Variants in ARHGEF10 observed in about 807,000 individuals in gnomAD.
ARHGEF10 encodes Rho guanine nucleotide exchange factor (GEF) 10.
A neutral mutation model predicts 147.4 loss-of-function variants in ARHGEF10; 140 were observed. The ratio of observed to expected loss-of-function variants is 0.95; its 90% CI spans 0.83 to 1.09. The LOEUF (loss-of-function observed/expected upper bound fraction) is 1.09, where lower values mean the gene tolerates loss of function less well. ARHGEF10 is among the 50% of genes least tolerant of loss of function. ARHGEF10 has a pLI of 0.00. For missense variants in ARHGEF10, 2,222 were observed against 1,752.7 expected (o/e 1.27, Z -4.78); for synonymous variants, 902 against 695.8 (o/e 1.30, Z -4.67).
chr8:1,866,894 CAG>C (rs1162803938), intron 6 of ARHGEF10, among the ~76,000 whole-genome samples: 3 of 152,058 alleles, frequency 2.0e-5, no homozygotes, highest in Admixed American at 6.6e-5. Flanking sequence ...ATGTGGGTAA[CAG>C]AAACTCTGAC....
At chr8:1,916,963 A>G (rs1414966292) in intron 18 of ARHGEF10, among the ~76,000 whole-genome samples, 3 of 152,248 alleles carry the variant, frequency 2.0e-5, no homozygotes, top group Admixed American at 6.5e-5. Context: ...TTCATTTAAT[A>G]TTATAGGCTG....
chr8:1,915,838 A>G (rs1811721464), intron 18 of ARHGEF10, among the ~76,000 whole-genome samples: 1 of 152,242 alleles, frequency 6.6e-6, no homozygotes, highest in African/African-American at 2.4e-5. Context: ...TGATCTGCTG[A>G]TGCCAAAATA....
chr8:1,878,977 G>A (rs1245630012), intron 8 of ARHGEF10, among the ~76,000 whole-genome samples: 1 of 152,222 alleles, frequency 6.6e-6, no homozygotes, highest in Admixed American at 6.5e-5. Context: ...TGTGTGGGGT[G>A]CAGACAGGGC....
intron 7 of ARHGEF10, among the ~76,000 whole-genome samples, chr8:1,871,770 T>C (rs1315606228): frequency 1.3e-5 from 2 of 151,958 alleles, no homozygotes; most frequent in Non-Finnish European, 2.9e-5. Context: ...TGAGCCGAGG[T>C]TGCACCACTA....
At chr8:1,912,425 C>T (rs149475335) in intron 18 of ARHGEF10, among the ~76,000 whole-genome samples, 43 of 151,950 alleles carry the variant, frequency 2.8e-4, no homozygotes, top group African/African-American at 9.9e-4. Flanking sequence ...AGGGAGCTCA[C>T]CGTCCCTGCA....
intron 2 of ARHGEF10, among the ~76,000 whole-genome samples, chr8:1,852,285 C>G (rs1473627730): frequency 2.2e-3 from 194 of 88,692 alleles, no homozygotes; most frequent in African/African-American, 8.2e-3. Context: ...TCTCCATCAT[C>G]CTGGAGAGGA....
chr8:1,879,044 C>G (rs1403420803), intron 8 of ARHGEF10, among the ~76,000 whole-genome samples: 2 of 152,172 alleles, frequency 1.3e-5, no homozygotes, highest in African/African-American at 4.8e-5. Flanking sequence ...CAAGTTTTCT[C>G]GTTCAAAGGG....
intron 13 of ARHGEF10, among the ~76,000 whole-genome samples, chr8:1,895,829 C>T (rs987533436): frequency 6.6e-6 from 1 of 152,102 alleles, no homozygotes; most frequent in Non-Finnish European, 1.5e-5. Context: ...TAACAGAAAC[C>T]TTTGTGCTTT....
rs187059955 is a variant in ARHGEF10, at chr8:1,911,632, C to T, written c.2143+2162C>T. On this transcript the variant is annotated intron_variant, in intron 18 of 28. Coordinates refer to ENST00000349830, the MANE Select transcript of ARHGEF10 (RefSeq NM_014629.4). ...GGGACTGGCAGGGCTTCTATCCCGA[C>T]ACGTCTGGATTCATCCAGGGTGGAC... Among the ~76,000 whole-genome samples the T allele has an allele frequency of 4.8e-3, 733 of 152,260 alleles. 4 individuals carry two copies. Among genetic ancestry groups the T allele is most frequent in the African/African-American group, 0.016 (679 of 41,548 alleles).
intron 1 of ARHGEF10, chr8:1,826,144 A>G (rs760887869): frequency 1.3e-5 from 21 of 1,591,808 alleles, no homozygotes; most frequent in Non-Finnish European, 1.6e-5. Flanking sequence ...CAGTAAGAAA[A>G]GTCATTTGTA....
chr8:1,876,853 A>T (rs541223564), intron 8 of ARHGEF10, 119 bp downstream of exon 8: 1 of 1,166,370 alleles, frequency 8.6e-7, no homozygotes, highest in African/African-American at 1.5e-5. Context: ...GCTGATAAGT[A>T]GTTTGGGGAA....
Position 1,831,085 on chromosome 8 carries a change from G to A in ARHGEF10, c.-48+6972G>A, listed in dbSNP as rs1220389847. Among the ~76,000 whole-genome samples the A allele has an allele frequency of 2.6e-5, 4 of 152,240 alleles. 1 individual carries two copies. The highest frequency in any genetic ancestry group is 7.2e-5 in the African/African-American group (3 of 41,458). On this transcript the variant is annotated intron_variant, in intron 1 of 28. Coordinates refer to ENST00000349830, the MANE Select transcript of ARHGEF10 (RefSeq NM_014629.4). Reference sequence around the variant, plus strand: ...CATGGGAAGAAGCCTTGGAGGCTCTGTGTGTCAGAGCGGCTGGAAGGGCCA... The same window carrying A: ...CATGGGAAGAAGCCTTGGAGGCTCTATGTGTCAGAGCGGCTGGAAGGGCCA...
rs565350542 is a variant in ARHGEF10, at chr8:1,915,008, G to T, written c.2143+5538G>T. On this transcript the variant is annotated intron_variant, in intron 18 of 28. Coordinates refer to ENST00000349830, the MANE Select transcript of ARHGEF10 (RefSeq NM_014629.4). ...ACCAACAGATGAGCCCCTCACTGGG[G>T]GAGCGGATGCAGCTGCTCATTACTG... is the stretch of plus-strand genomic sequence containing the variant. Among the ~76,000 whole-genome samples the T allele has an allele frequency of 3.0e-4, 45 of 152,300 alleles. No homozygotes were observed. In the South Asian group the frequency reaches 3.7e-3, roughly 13 times the overall value.
chr8:1,912,789 C>A (rs925096821), intron 18 of ARHGEF10, among the ~76,000 whole-genome samples: 1 of 152,140 alleles, frequency 6.6e-6, no homozygotes. Flanking sequence ...CCCAAACTCC[C>A]TGATGCTATT....
chr8:1,881,740 G>A (rs1029536695), intron 9 of ARHGEF10, among the ~76,000 whole-genome samples: 8 of 152,208 alleles, frequency 5.3e-5, no homozygotes, highest in Admixed American at 2.0e-4. Context: ...GACGCTGTCT[G>A]CACGCTGGTG....
At chr8:1,878,982 C>T (rs918466922) in intron 8 of ARHGEF10, among the ~76,000 whole-genome samples, 31 of 152,192 alleles carry the variant, frequency 2.0e-4, no homozygotes, top group African/African-American at 7.2e-4. Flanking sequence ...GGGGTGCAGA[C>T]AGGGCGCCCG....
intron 1 of ARHGEF10, among the ~76,000 whole-genome samples, chr8:1,838,243 C>T (rs1471669278): frequency 6.6e-6 from 1 of 152,224 alleles, no homozygotes; most frequent in Non-Finnish European, 1.5e-5. Context: ...GGCCCTGGTG[C>T]CAGCGTCCCA....
intron 11 of ARHGEF10, among the ~76,000 whole-genome samples, chr8:1,890,950 A>G (rs1016124095): frequency 8.5e-5 from 13 of 152,178 alleles, no homozygotes; most frequent in African/African-American, 2.7e-4. Flanking sequence ...ACAGACCTGG[A>G]TGAAATTCTG....
chr8:1,887,584 G>A (rs1808787970), intron 11 of ARHGEF10, among the ~76,000 whole-genome samples: 1 of 151,750 alleles, frequency 6.6e-6, no homozygotes, highest in South Asian at 2.1e-4. Flanking sequence ...ACTGAGTGAG[G>A]TGAGGGGTCT....
Sources: gnomAD v4.1 joint callset for allele counts (sites outside exome capture counted in the v4.1 genomes callset) on GRCh38, gnomAD v4.1.1 for gene constraint, MANE v1.5 for transcripts, NCBI Gene and HGNC (gene_info 2026-07-23, HGNC 2026-07-21) for gene names.